DOK7: variants seen among roughly 807,000 people sequenced by gnomAD.
The protein encoded by DOK7 is protein Dok-7.
In DOK7, 32 loss-of-function variants were observed where a neutral mutation model predicts 30.7. The observed-to-expected ratio is 1.04, with a 90% confidence interval of 0.79 to 1.40. The LOEUF (loss-of-function observed/expected upper bound fraction) is 1.40. DOK7 is among the 40% of genes most tolerant of loss of function. The pLI, the probability that DOK7 is intolerant of heterozygous loss-of-function variation, is 0.00. For missense variants in DOK7, 1,007 were observed against 699.2 expected (o/e 1.44, Z -4.97); for synonymous variants, 447 against 324.1 (o/e 1.38, Z -4.07).
At chr4:3,494,687 A>ATGTGCATGTGTGGTG (rs369773117), downstream of DOK7, among the ~76,000 whole-genome samples, 74 of 152,022 alleles carry the variant, frequency 4.9e-4, no homozygotes, top group Admixed American at 1.2e-3. Flanking sequence ...CCGGGCTGGG[A>ATGTGCATGTGTGGTG]TGTGCATGTG....
chr4:3,494,559 G>A (rs1406476595), downstream of DOK7: 21 of 976,986 alleles, frequency 2.1e-5, no homozygotes, highest in East Asian at 1.1e-4. Context: ...GCCTGGATGC[G>A]AAGTCCCCGG....
At chr4:3,500,158 G>A (rs1004785486) in intron 6 of DOK7, 129 of 1,431,732 alleles carry the variant, frequency 9.0e-5, no homozygotes, top group Non-Finnish European at 1.1e-4. Flanking sequence ...GGGAGGAGGG[G>A]CTAGGCAGGG....
At chr4:3,466,697 C>G (rs1479995922) in intron 2 of DOK7, among the ~76,000 whole-genome samples, 2 of 152,194 alleles carry the variant, frequency 1.3e-5, no homozygotes, top group Admixed American at 6.5e-5. Context: ...GAGCAGTGAC[C>G]TGGGACGGCT....
chr4:3,489,201 C>T (rs1728007412), intron 5 of DOK7, among the ~76,000 whole-genome samples: 1 of 152,076 alleles, frequency 6.6e-6, no homozygotes, highest in Non-Finnish European at 1.5e-5. Context: ...CCATCCGAGA[C>T]CCCAGGGAAC....
chr4:3,470,604 G>A (rs1726700316), intron 2 of DOK7, among the ~76,000 whole-genome samples: 1 of 152,220 alleles, frequency 6.6e-6, no homozygotes, highest in Admixed American at 6.5e-5. Flanking sequence ...GGTGTGAGAA[G>A]CCGTCGTGGC....
chr4:3,489,542 G>C, intron 5 of DOK7, 135 bp from the exon 6 acceptor site: 5 of 1,407,628 alleles, frequency 3.6e-6, no homozygotes, highest in Middle Eastern at 2.4e-4. Context: ...ATGAGGCATC[G>C]GGAGGAGCGG....
intron 2 of DOK7, among the ~76,000 whole-genome samples, chr4:3,469,075 T>TGC (rs1299404773): frequency 1.4e-5 from 2 of 144,064 alleles, no homozygotes; most frequent in African/African-American, 5.3e-5. Flanking sequence ...TGTGTGTGCC[T>TGC]GAGTGTACAT....
chr4:3,480,556 T>G (rs951076349), intron 4 of DOK7, among the ~76,000 whole-genome samples: 3 of 152,164 alleles, frequency 2.0e-5, no homozygotes, highest in Non-Finnish European at 4.4e-5. Context: ...TGCAGTGAGC[T>G]GAGATCCCGC....
chr4:3,495,859 C>G (rs564527741), downstream of DOK7, among the ~76,000 whole-genome samples: 1 of 152,198 alleles, frequency 6.6e-6, no homozygotes, highest in East Asian at 1.9e-4. Flanking sequence ...CAGGGGGTGT[C>G]GGCCTGTTGT....
intron 5 of DOK7, among the ~76,000 whole-genome samples, chr4:3,487,163 C>T (rs375759302): frequency 2.6e-5 from 4 of 152,186 alleles, no homozygotes; most frequent in African/African-American, 7.2e-5. Context: ...GTCAGGGCCT[C>T]GGCCTGCAGC....
intron 5 of DOK7, 141 bp from the exon 6 acceptor site, chr4:3,489,536 G>C: frequency 7.4e-7 from 1 of 1,360,086 alleles, no homozygotes. Context: ...TCTGGGATGA[G>C]GCATCGGGAG....
At chr4:3,498,255 G>C (rs1184179181), downstream of DOK7, among the ~76,000 whole-genome samples, 1 of 152,196 alleles carries the variant, frequency 6.6e-6, no homozygotes, top group Non-Finnish European at 1.5e-5. Flanking sequence ...AGGAGGGGAC[G>C]GGAGGAGGAG....
At chr4:3,496,515 G>C (rs187284582), downstream of DOK7, among the ~76,000 whole-genome samples, 10 of 152,378 alleles carry the variant, frequency 6.6e-5, no homozygotes, top group East Asian at 1.5e-3. Context: ...GCTGGACTGG[G>C]CCTCAGGGCT....
intron 5 of DOK7, among the ~76,000 whole-genome samples, chr4:3,488,304 T>G (rs764944981): frequency 1.6e-4 from 24 of 152,128 alleles, no homozygotes; most frequent in Non-Finnish European, 3.4e-4. Flanking sequence ...CACCTGCCCG[T>G]GGGGAGGGCC....
rs1032889003 is a variant in DOK7, at chr4:3,499,754, T to C, written c.1109-497T>C. On this transcript the variant is annotated intron_variant, in intron 6 of 7. Coordinates refer to the DOK7 transcript ENST00000643608. ...GGCCTGTGTGCAGGAGAGGAGGGGG[T>C]CCCTGGAGCCTGCAGCAGGTGGGGG... is the stretch of plus-strand genomic sequence containing the variant. 6.9e-5 allele frequency among the ~76,000 whole-genome samples: 10 copies of C among 144,960 alleles called. 1 individual carries two copies. Among genetic ancestry groups the C allele is most frequent in the Admixed American group, 6.1e-4 (9 of 14,750 alleles).
downstream of DOK7, among the ~76,000 whole-genome samples, chr4:3,495,496 G>A (rs1337555525): frequency 6.6e-6 from 1 of 152,238 alleles, no homozygotes; most frequent in Admixed American, 6.5e-5. Context: ...TCCCTGTGGG[G>A]ATGCGGCCGG....
intron 4 of DOK7, among the ~76,000 whole-genome samples, chr4:3,483,147 T>C (rs866585272): frequency 3.2e-4 from 3 of 9,268 alleles, no homozygotes; most frequent in Admixed American, 1.2e-3. Context: ...AGTGGAGATG[T>C]AGGGGTGTGG....
At chr4:3,489,894 CT>C in intron 6 of DOK7, 98 bp downstream of exon 6, 2 of 1,494,308 alleles carry the variant, frequency 1.3e-6, no homozygotes. Flanking sequence ...TGCAGGCTCC[CT>C]CTGCTCATTC....
intron 6 of DOK7, among the ~76,000 whole-genome samples, chr4:3,492,296 C>T (rs866555093): frequency 8.6e-5 from 13 of 151,952 alleles, no homozygotes; most frequent in South Asian, 2.1e-4. Context: ...GCTGGTGCCT[C>T]GTGTCCAGGC....
Sources: allele counts gnomAD v4.1 joint callset (sites outside exome capture counted in the v4.1 genomes callset), GRCh38; gene constraint gnomAD v4.1.1; transcripts MANE v1.5; gene names NCBI Gene and HGNC (gene_info 2026-07-23, HGNC 2026-07-21).